The following ZFHX3 variants were observed in gnomAD, a reference collection of about 807,000 sequenced individuals.
ZFHX3 encodes zinc finger homeobox protein 3.
In ZFHX3, 42 loss-of-function variants were observed where a neutral mutation model predicts 279.1. That is an observed-to-expected ratio of 0.15 (90% CI 0.12 to 0.19). The LOEUF is 0.19. ZFHX3 is among the 10% of genes least tolerant of loss of function. The pLI, the probability that ZFHX3 is intolerant of heterozygous loss-of-function variation, is 1.00. For synonymous variants in ZFHX3, 2,293 were observed against 1,957.8 expected, an observed-to-expected ratio of 1.17 and a Z score of -4.52; for missense variants, 4,981 against 4,754.0, an observed-to-expected ratio of 1.05 and a Z score of -1.40.
chr16:72,915,838 T>C (rs561673819), intron 3 of ZFHX3, among the ~76,000 whole-genome samples: 28 of 152,306 alleles, frequency 1.8e-4, no homozygotes, highest in Admixed American at 1.7e-3. Flanking sequence ...CAGAAAAGTG[T>C]TATTAATAAG....
At chr16:73,883,003 G>A (rs568111780) in intron 1 of ZFHX3, among the ~76,000 whole-genome samples, 1 of 150,294 alleles carries the variant, frequency 6.7e-6, no homozygotes, top group Admixed American at 6.6e-5. Context: ...TGAAATGCCT[G>A]AGATTATTAT....
At chr16:72,945,114 G>A (rs1007930445) in intron 3 of ZFHX3, among the ~76,000 whole-genome samples, 5 of 152,226 alleles carry the variant, frequency 3.3e-5, no homozygotes, top group Admixed American at 6.5e-5. Context: ...TAAAGCCATC[G>A]GCTGAGAGTG....
intron 1 of ZFHX3, among the ~76,000 whole-genome samples, chr16:73,058,119 T>A (rs1176317990): frequency 7.2e-6 from 1 of 138,582 alleles, no homozygotes; most frequent in Non-Finnish European, 1.6e-5. Context: ...CGGCCGGCCC[T>A]GCCTGGCGGC....
intron 2 of ZFHX3, among the ~76,000 whole-genome samples, chr16:73,653,839 G>GA (rs2052695002): frequency 6.6e-6 from 1 of 152,122 alleles, no homozygotes; most frequent in South Asian, 2.1e-4. Context: ...ATTGAAGAAA[G>GA]AAATATGAAG....
intron 4 of ZFHX3, among the ~76,000 whole-genome samples, chr16:73,297,164 A>C (rs1471045708): frequency 6.6e-6 from 1 of 151,936 alleles, no homozygotes; most frequent in Non-Finnish European, 1.5e-5. Context: ...GGCATAAGCC[A>C]CTGCGCCGAG....
intron 1 of ZFHX3, among the ~76,000 whole-genome samples, chr16:73,036,576 C>T (rs1003309750): frequency 2.4e-4 from 36 of 149,808 alleles, no homozygotes; most frequent in Non-Finnish European, 3.0e-4. Context: ...GTTGAAAAGG[C>T]GCAGGGAGGA....
At chr16:72,897,294 G>A (rs2038923119) in intron 3 of ZFHX3, among the ~76,000 whole-genome samples, 1 of 152,142 alleles carries the variant, frequency 6.6e-6, no homozygotes, top group Admixed American at 6.5e-5. Flanking sequence ...TAACAAACCT[G>A]GTGAGAGGGA....
At chr16:73,223,603 G>T (rs1347928771) in intron 5 of ZFHX3, among the ~76,000 whole-genome samples, 1 of 152,156 alleles carries the variant, frequency 6.6e-6, no homozygotes, top group Non-Finnish European at 1.5e-5. Context: ...TACTGCTGAT[G>T]GGAATGTAAA....
In ZFHX3 at chr16:72,795,746, C is replaced by A. The variant is rs774727765; in HGVS notation, c.6936G>T (p.Arg2312=). The A allele has an allele frequency of 1.2e-6, 2 of 1,614,200 alleles. No homozygotes were observed. Among genetic ancestry groups the A allele is most frequent in the Admixed American group, 3.3e-5 (2 of 60,024 alleles). ...TGTATCTATCATTTGTAAGCTCACG[C>A]CGCTCTCCATCTTTGCCCTCTCCCT... is the stretch of plus-strand genomic sequence containing the variant. ...ENQGEGKDGE[R]RELTNDRYIR... Residue 2312 remains arginine, a synonymous_variant, in exon 9 of 10, where the codon CGG becomes CGT. Coordinates refer to ENST00000268489, the MANE Select transcript of ZFHX3 (RefSeq NM_006885.4).
At chr16:73,689,965 G>A (rs2053132455) in intron 1 of ZFHX3, among the ~76,000 whole-genome samples, 2 of 152,038 alleles carry the variant, frequency 1.3e-5, no homozygotes, top group African/African-American at 4.8e-5. Context: ...ACCCAGGCTG[G>A]AGTGCAGTGG....
chr16:73,014,515 C>CTTTTTTTTTTTTTTTTTTTT (rs1567633191), intron 1 of ZFHX3: 1 of 95,344 alleles, frequency 1.0e-5, no homozygotes, highest in African/African-American at 3.9e-5. Flanking sequence ...GTAATTTCTT[C>CTTTTTTTTTTTTTTTTTTTT]TTCTTTTTTT....
At chr16:73,359,384 C>A (rs921508230) in intron 3 of ZFHX3, among the ~76,000 whole-genome samples, 6 of 151,996 alleles carry the variant, frequency 3.9e-5, no homozygotes, top group Non-Finnish European at 2.9e-5. Flanking sequence ...AAGGTGAGTA[C>A]TGGGGGAAAA....
chr16:73,529,662 G>C (rs1343166347), intron 2 of ZFHX3, among the ~76,000 whole-genome samples: 1 of 152,212 alleles, frequency 6.6e-6, no homozygotes, highest in Non-Finnish European at 1.5e-5. Context: ...TCCAGAAAGA[G>C]TCATACCTCT....
chr16:72,997,128 C>A (rs1258822572), intron 1 of ZFHX3, among the ~76,000 whole-genome samples: 1 of 152,204 alleles, frequency 6.6e-6, no homozygotes, highest in Non-Finnish European at 1.5e-5. Flanking sequence ...TCTATAAGGG[C>A]ACACTGCACA....
At chr16:73,309,441 G>A (rs964582893) in intron 4 of ZFHX3, among the ~76,000 whole-genome samples, 2 of 152,126 alleles carry the variant, frequency 1.3e-5, no homozygotes, top group African/African-American at 4.8e-5. Flanking sequence ...TGTATCCCAT[G>A]CTGTATATGA....
chr16:73,616,447 A>G (rs1273435195), intron 2 of ZFHX3, among the ~76,000 whole-genome samples: 1 of 148,782 alleles, frequency 6.7e-6, no homozygotes, highest in Non-Finnish European at 1.5e-5. Context: ...AAAAACACCA[A>G]TGCTGCTAGG....
At chr16:72,933,164 A>G (rs1005657469) in intron 3 of ZFHX3, among the ~76,000 whole-genome samples, 2 of 152,164 alleles carry the variant, frequency 1.3e-5, no homozygotes, top group Non-Finnish European at 2.9e-5. Context: ...GTCAGATCCC[A>G]TTAGATTTCC....
intron 1 of ZFHX3, chr16:73,809,423 G>A (rs1238849731): frequency 6.6e-6 from 1 of 152,160 alleles, no homozygotes; most frequent in East Asian, 1.9e-4. Context: ...TCATTCAAAG[G>A]AGTCCACGCC....
intron 3 of ZFHX3, among the ~76,000 whole-genome samples, chr16:73,432,891 A>G (rs1206081863): frequency 1.3e-5 from 2 of 152,364 alleles, no homozygotes; most frequent in East Asian, 3.9e-4. Flanking sequence ...CTGACCTGAC[A>G]GAGACAGTTA....
Sources: gnomAD v4.1 joint callset for allele counts (sites outside exome capture counted in the v4.1 genomes callset) on GRCh38, gnomAD v4.1.1 for gene constraint, MANE v1.5 for transcripts, NCBI Gene and HGNC (gene_info 2026-07-23, HGNC 2026-07-21) for gene names.